Variants in INPP4B observed in about 807,000 individuals in gnomAD.
INPP4B encodes the protein inositol polyphosphate-4-phosphatase type II B.
In INPP4B, 55 loss-of-function variants were observed where a neutral mutation model predicts 122.5. That is an observed-to-expected ratio of 0.45 (90% CI 0.36 to 0.56). INPP4B has a LOEUF of 0.56. Ranked by LOEUF, INPP4B falls within the 20% of genes least tolerant of loss-of-function variation. The pLI is 0.00. For synonymous variants in INPP4B, 403 were observed against 388.7 expected, an observed-to-expected ratio of 1.04 and a Z score of -0.43; for missense variants, 1,000 against 1,097.7, an observed-to-expected ratio of 0.91 and a Z score of 1.26.
At chr4:142,513,267 A>G (rs1824969801) in intron 2 of INPP4B, among the ~76,000 whole-genome samples, 1 of 152,192 alleles carries the variant, frequency 6.6e-6, no homozygotes, top group Admixed American at 6.5e-5. Context: ...TTATGAAAAA[A>G]CAAATTTACT....
intron 2 of INPP4B, among the ~76,000 whole-genome samples, chr4:142,496,670 C>A (rs1822613649): frequency 6.6e-6 from 1 of 152,044 alleles, no homozygotes; most frequent in Non-Finnish European, 1.5e-5. Context: ...TTAATTCTGC[C>A]ATACTTGCAG....
At chr4:142,680,451 A>G (rs1423034091) in intron 2 of INPP4B, among the ~76,000 whole-genome samples, 2 of 151,894 alleles carry the variant, frequency 1.3e-5, no homozygotes, top group East Asian at 1.9e-4. Flanking sequence ...TCTAAAATAT[A>G]CATTGCTAAA....
At chr4:142,701,135 C>T (rs1761705085) in intron 2 of INPP4B, among the ~76,000 whole-genome samples, 1 of 152,094 alleles carries the variant, frequency 6.6e-6, no homozygotes, top group African/African-American at 2.4e-5. Flanking sequence ...GCAAACTGGT[C>T]TGCTTGCCAC....
intron 14 of INPP4B, among the ~76,000 whole-genome samples, chr4:142,196,742 T>C (rs762713286): frequency 3.9e-5 from 6 of 152,128 alleles, no homozygotes; most frequent in Non-Finnish European, 8.8e-5. Flanking sequence ...TTCCTCCTTA[T>C]AAATGTTCAT....
At chr4:142,314,516 G>T (rs1365662355) in intron 8 of INPP4B, among the ~76,000 whole-genome samples, 196 bp downstream of exon 8, 2 of 152,052 alleles carry the variant, frequency 1.3e-5, no homozygotes, top group Non-Finnish European at 2.9e-5. Context: ...TTCACTTGAG[G>T]ATGATTTTCA....
At chr4:142,584,383 A>C (rs1181861771) in intron 2 of INPP4B, among the ~76,000 whole-genome samples, 1 of 152,014 alleles carries the variant, frequency 6.6e-6, no homozygotes, top group Non-Finnish European at 1.5e-5. Context: ...TTCTTAGTTC[A>C]TTTTTCTGTT....
intron 1 of INPP4B, among the ~76,000 whole-genome samples, chr4:142,802,109 C>G (rs1778073504): frequency 6.6e-6 from 1 of 152,106 alleles, no homozygotes; most frequent in South Asian, 2.1e-4. Flanking sequence ...GTTTGGCTTT[C>G]AAGTATTGAG....
Position 142,564,439 on chromosome 4 carries a change from C to CAA in INPP4B, c.-190-101715_-190-101714dup, listed in dbSNP as rs199803105. Among the ~76,000 whole-genome samples, 76 of 97,920 alleles carry CAA rather than the reference C, an allele frequency of 7.8e-4. 1 individual carries two copies. The highest frequency in any genetic ancestry group is 2.6e-3 in the African/African-American group (63 of 23,990). 64.2% of individuals were successfully genotyped at this position (97,920 alleles called of 152,430 possible). Reference sequence around the variant, plus strand: ...AAAAATGTAGTGTCTTAAGGAATGGCAAAAAAAAAAAAAAAGAAAGAAAGA... The same window carrying CAA: ...AAAAATGTAGTGTCTTAAGGAATGGCAAAAAAAAAAAAAAAAAGAAAGAAAGA... On this transcript the variant is annotated intron_variant, in intron 2 of 25. Coordinates refer to ENST00000262992, the MANE Select transcript of INPP4B (RefSeq NM_001101669.3).
At chr4:142,391,942 G>A (rs1165822813) in intron 7 of INPP4B, among the ~76,000 whole-genome samples, 1 of 152,132 alleles carries the variant, frequency 6.6e-6, no homozygotes, top group Non-Finnish European at 1.5e-5. Flanking sequence ...CCATGGAAGA[G>A]GGCTGATGTT....
intron 1 of INPP4B, among the ~76,000 whole-genome samples, chr4:142,828,247 A>G (rs566577359): frequency 6.6e-6 from 1 of 152,274 alleles, no homozygotes; most frequent in Admixed American, 6.5e-5. Flanking sequence ...GTCCAGGTAT[A>G]TGAGAATAGA....
chr4:142,554,785 T>G (rs1435700803), intron 2 of INPP4B, among the ~76,000 whole-genome samples: 1 of 152,236 alleles, frequency 6.6e-6, no homozygotes, highest in East Asian at 1.9e-4. Context: ...TTTCAAATGT[T>G]TGTGTACTGC....
At chr4:142,592,214 T>G (rs1254270071) in intron 2 of INPP4B, among the ~76,000 whole-genome samples, 6 of 152,218 alleles carry the variant, frequency 3.9e-5, no homozygotes, top group Non-Finnish European at 7.3e-5. Context: ...CAAATAATTT[T>G]TCCCAGGTGA....
At chr4:142,546,981 A>G (rs1829715018) in intron 2 of INPP4B, among the ~76,000 whole-genome samples, 1 of 152,144 alleles carries the variant, frequency 6.6e-6, no homozygotes, top group African/African-American at 2.4e-5. Context: ...GATAATATAA[A>G]TTATTTTACC....
At chr4:142,698,645 C>G (rs2150749260) in intron 2 of INPP4B, among the ~76,000 whole-genome samples, 1 of 152,272 alleles carries the variant, frequency 6.6e-6, no homozygotes, top group African/African-American at 2.4e-5. Flanking sequence ...ATCTTTCAGG[C>G]CTAACCCCAG....
intron 17 of INPP4B, among the ~76,000 whole-genome samples, chr4:142,151,456 T>G (rs1410745724): frequency 6.6e-6 from 1 of 152,186 alleles, no homozygotes; most frequent in Non-Finnish European, 1.5e-5. Flanking sequence ...CATCTCCCAA[T>G]AACTACACTC....
At chr4:142,072,867 C>T (rs775018220) in intron 25 of INPP4B, among the ~76,000 whole-genome samples, 1 of 152,020 alleles carries the variant, frequency 6.6e-6, no homozygotes, top group Non-Finnish European at 1.5e-5. Context: ...TACCCAGTTA[C>T]CAATTTCTTT....
At chr4:142,407,259 A>G (rs1421943958) in intron 5 of INPP4B, among the ~76,000 whole-genome samples, 1 of 152,206 alleles carries the variant, frequency 6.6e-6, no homozygotes. Flanking sequence ...ACATATATCT[A>G]TCAGAATTTT....
At chr4:142,416,081 G>C (rs994515007) in intron 5 of INPP4B, among the ~76,000 whole-genome samples, 2 of 151,932 alleles carry the variant, frequency 1.3e-5, no homozygotes, top group Non-Finnish European at 2.9e-5. Context: ...TGCAGCACAC[G>C]AGCATGGCAC....
In INPP4B at chr4:142,445,964, C is replaced by A. The variant is rs951434295; in HGVS notation, c.-126-14579G>T. On this transcript the variant is annotated intron_variant, in intron 3 of 25. Transcript: ENST00000262992. ...AAAGCAAAAAGAAAGTCACAAAGAA[C>A]ATTTATATTTATTTGAACCAAAATA... is the stretch of plus-strand genomic sequence containing the variant. Among the ~76,000 whole-genome samples, 4 of 152,098 alleles carry A rather than the reference C, an allele frequency of 2.6e-5. No individual in the cohort carries two copies. The South Asian group carries it at 8.3e-4, about 32-fold the overall frequency.
Sources: allele counts gnomAD v4.1 joint callset (sites outside exome capture counted in the v4.1 genomes callset), GRCh38; gene constraint gnomAD v4.1.1; transcripts MANE v1.5; gene names NCBI Gene and HGNC (gene_info 2026-07-23, HGNC 2026-07-21).